CUX2: variants seen among roughly 807,000 people sequenced by gnomAD.
CUX2 encodes cut like homeobox 2, also known as homeobox protein cut-like 2.
A neutral mutation model predicts 144.8 loss-of-function variants in CUX2; 40 were observed. The observed-to-expected ratio is 0.28, with a 90% CI of 0.21 to 0.36. The LOEUF (loss-of-function observed/expected upper bound fraction) is 0.36, where lower values mean the gene tolerates loss of function less well. Among genes scored for constraint, CUX2 ranks in the 10% least tolerant of loss-of-function variants. CUX2 has a pLI of 1.00. For missense variants in CUX2, 1,615 were observed against 1,994.0 expected (o/e 0.81, Z 3.62); for synonymous variants, 827 against 875.6 (o/e 0.94, Z 0.98).
rs143492240 is a variant in CUX2, at chr12:111,108,481, C to T, written c.63+74241C>T. On this transcript the variant is annotated intron_variant, in intron 1 of 21. Transcript: ENST00000261726. Reference sequence around the variant, plus strand: ...TTGCCAAATGGTGATTTTCTGTTTCCGTCATTACTTCTACATTTATTAATT... The same window carrying T: ...TTGCCAAATGGTGATTTTCTGTTTCTGTCATTACTTCTACATTTATTAATT... Among the ~76,000 whole-genome samples the T allele has an allele frequency of 6.6e-5, 10 of 152,188 alleles. No individual in the cohort carries two copies. The East Asian group carries it at 1.9e-3, about 29-fold the overall frequency.
chr12:111,343,534 A>G lies in CUX2; in HGVS notation c.3659+1481A>G, dbSNP rs193171253. Among the ~76,000 whole-genome samples the G allele has an allele frequency of 3.1e-3, 472 of 152,258 alleles. 8 individuals carry two copies. The highest frequency in any genetic ancestry group is 1.5e-3 in the Non-Finnish European group (100 of 68,010). ...GGGGAGAGAATGTCTCTTGATCCCC[A>G]AGGAATCAAGGAAAGAGGAGATTGG... is the stretch of plus-strand genomic sequence containing the variant. On this transcript the variant is annotated intron_variant, in intron 21 of 21. Coordinates refer to ENST00000261726, the MANE Select transcript of CUX2 (RefSeq NM_015267.4).
chr12:111,250,205 C>T lies in CUX2; in HGVS notation c.223-13556C>T, dbSNP rs558857932. Among the ~76,000 whole-genome samples, 6 of 152,294 alleles carry T rather than the reference C, an allele frequency of 3.9e-5. No individual in the cohort carries two copies. The South Asian group carries it at 1.0e-3, about 26-fold the overall frequency. On this transcript the variant is annotated intron_variant, in intron 3 of 21. Coordinates refer to ENST00000261726, the MANE Select transcript of CUX2 (RefSeq NM_015267.4). ...CAGAAGGGACATTTTAGGGGTGAACCTGAGTTTGTTCTGAATTACCCAAAA... is the reference window on the plus strand; with the variant it reads ...CAGAAGGGACATTTTAGGGGTGAACTTGAGTTTGTTCTGAATTACCCAAAA...
intron 4 of CUX2, among the ~76,000 whole-genome samples, chr12:111,272,367 T>C (rs1411018161): frequency 6.6e-6 from 1 of 152,108 alleles, no homozygotes; most frequent in Admixed American, 6.5e-5. Context: ...TAATGGTCAG[T>C]GGAACACTGA....
chr12:111,346,230 C>T (rs1888799823), intron 21 of CUX2, among the ~76,000 whole-genome samples: 1 of 151,392 alleles, frequency 6.6e-6, no homozygotes, highest in Non-Finnish European at 1.5e-5. Context: ...AATCCCAACA[C>T]TTTGGGAGGC....
At chr12:111,113,845 C>T (rs1874129380) in intron 1 of CUX2, among the ~76,000 whole-genome samples, 1 of 152,256 alleles carries the variant, frequency 6.6e-6, no homozygotes, top group South Asian at 2.1e-4. Context: ...GCGTGAGCTG[C>T]CGCGTCTGGC....
At position 111,349,176 on chromosome 12, in the gene CUX2, T is replaced by G. The variant is rs1375836037; in HGVS notation, c.*851T>G. ...CCATGGAGGTCAGACATCCATCTTG[T>G]CCATCTATAGGCAAGAAGTGTTTCC... On this transcript the variant is annotated 3_prime_UTR_variant, in exon 22 of 22. Transcript: ENST00000261726. The G allele has an allele frequency of 6.6e-6, 1 of 152,280 alleles. No homozygotes were observed. The highest frequency in any genetic ancestry group is 1.5e-5 in the Non-Finnish European group (1 of 68,098). 9.4% of individuals were successfully genotyped at this position (152,280 alleles called of 1,614,324 possible). A position where few individuals can be genotyped will look rare whatever the true frequency, so the allele number is the denominator to read the frequency against.
At chr12:111,159,339 G>GTTTTTTTTTTT (rs1877606995) in intron 1 of CUX2, among the ~76,000 whole-genome samples, 1 of 151,020 alleles carries the variant, frequency 6.6e-6, no homozygotes, top group Non-Finnish European at 1.5e-5. Flanking sequence ...CCTAGAGAGA[G>GTTTTTTTTTTT]GGGTCTCACT....
At chr12:111,130,653 C>T (rs1875410666) in intron 1 of CUX2, among the ~76,000 whole-genome samples, 1 of 152,230 alleles carries the variant, frequency 6.6e-6, no homozygotes, top group Non-Finnish European at 1.5e-5. Flanking sequence ...TGGTCCTTCC[C>T]AGTGTGGGTG....
At position 111,320,272 on chromosome 12, in the gene CUX2, G is replaced by A; in HGVS notation, c.2263G>A (p.Ala755Thr). 1 of 1,594,182 alleles carries A rather than the reference G, an allele frequency of 6.3e-7. No homozygotes were observed. The highest frequency in any genetic ancestry group is 8.5e-7 in the Non-Finnish European group (1 of 1,177,436). The change falls in exon 17 of 22, where the codon GCG (alanine) becomes ACG (threonine). Residue 755 changes from alanine to threonine, a missense_variant. Ala to Thr is a moderately conservative substitution (Grantham distance 58, BLOSUM62 0). Transcript: ENST00000261726. This position sits in a 1 kb window ranked among gnomAD's most constrained non-coding sequence, Gnocchi z 8.1. ...VKQEEGSGGP[A>T]QAPLPVLSPA... Reference sequence around the variant, plus strand: ...GCAGGAGGAGGGCAGCGGGGGCCCCGCGCAGGCGCCGCTCCCGGTCCTGTC... The same window carrying A: ...GCAGGAGGAGGGCAGCGGGGGCCCCACGCAGGCGCCGCTCCCGGTCCTGTC...
chr12:111,043,001 A>G (rs987520367), intron 1 of CUX2, among the ~76,000 whole-genome samples: 1 of 152,198 alleles, frequency 6.6e-6, no homozygotes, highest in Non-Finnish European at 1.5e-5. Flanking sequence ...ACATTGAAAC[A>G]TGATATAATG....
At chr12:111,245,339 C>T (rs904690251) in intron 3 of CUX2, among the ~76,000 whole-genome samples, 3 of 150,732 alleles carry the variant, frequency 2.0e-5, no homozygotes, top group Non-Finnish European at 3.0e-5. Flanking sequence ...AGTTTGAGAC[C>T]ACCCTGGGCA....
rs1221708654 is a variant in CUX2 at position 111,057,654 on chromosome 12, C to T, written c.63+23414C>T. 1.3e-5 allele frequency among the ~76,000 whole-genome samples: 2 copies of T among 152,154 alleles called. No individual in the cohort carries two copies. The highest frequency in any genetic ancestry group is 2.9e-5 in the Non-Finnish European group (2 of 68,024). ...TTCTGCCAGCAGCCTCCCCTTCTGC[C>T]AGAAAGAGTGACTCCCACCTCAACA... On this transcript the variant is annotated intron_variant, in intron 1 of 21. Coordinates refer to ENST00000261726, the MANE Select transcript of CUX2 (RefSeq NM_015267.4). The surrounding 1 kb of genome is among the most constrained non-coding windows in gnomAD (Gnocchi z 5.1).
chr12:111,087,604 G>A (rs1183705589), intron 1 of CUX2, among the ~76,000 whole-genome samples: 1 of 152,148 alleles, frequency 6.6e-6, no homozygotes. Context: ...ATTTCTGTGT[G>A]TGGCTGTAGA....
chr12:111,232,709 C>T (rs1313714954), intron 3 of CUX2, among the ~76,000 whole-genome samples: 1 of 152,080 alleles, frequency 6.6e-6, no homozygotes, highest in African/African-American at 2.4e-5. Flanking sequence ...ATATCTGACC[C>T]CTTACAGGGA....
At chr12:111,184,628 G>A (rs563470487) in intron 1 of CUX2, among the ~76,000 whole-genome samples, 56 of 142,394 alleles carry the variant, frequency 3.9e-4, no homozygotes, top group Non-Finnish European at 6.4e-4. Flanking sequence ...AAGGTGGCAC[G>A]CACCTGTAAT....
At chr12:111,205,724 G>A (rs1050952485) in intron 1 of CUX2, among the ~76,000 whole-genome samples, 4 of 152,122 alleles carry the variant, frequency 2.6e-5, no homozygotes, top group South Asian at 4.1e-4. Context: ...ACACAGAAAC[G>A]GAGGCTGAGT....
At chr12:111,163,911 G>A (rs943637678) in intron 1 of CUX2, among the ~76,000 whole-genome samples, 1 of 152,124 alleles carries the variant, frequency 6.6e-6, no homozygotes, top group Non-Finnish European at 1.5e-5. Context: ...TCCTCTAGGA[G>A]TTTAAATCAT....
Position 111,265,842 on chromosome 12 carries a change from C to T in CUX2, c.301+2003C>T, listed in dbSNP as rs558523307. Among the ~76,000 whole-genome samples, 341 of 152,160 alleles carry T rather than the reference C, an allele frequency of 2.2e-3. 3 individuals are homozygous for T. Among genetic ancestry groups the T allele is most frequent in the African/African-American group, 7.9e-3 (329 of 41,528 alleles). ...CACACAGTGGCAGGAATCAGCACTA[C>T]GGGAGGTGTTTGAGGCTGGGGGCCT... On this transcript the variant is annotated intron_variant, in intron 4 of 21. Transcript: ENST00000261726.
intron 1 of CUX2, among the ~76,000 whole-genome samples, chr12:111,079,739 C>A (rs184361248): frequency 7.7e-4 from 118 of 152,312 alleles, no homozygotes; most frequent in African/African-American, 2.7e-3. Context: ...CAGGGCAGAA[C>A]AGCCTGTGCG....
Sources: gnomAD v4.1 joint callset for allele counts (sites outside exome capture counted in the v4.1 genomes callset) on GRCh38, gnomAD v4.1.1 for gene constraint, Gnocchi (gnomAD v3.1) non-coding constraint, MANE v1.5 for transcripts, NCBI Gene and HGNC (gene_info 2026-07-23, HGNC 2026-07-21) for gene names.